The following BSPH1 variants were observed in gnomAD, a reference collection of about 807,000 sequenced individuals.
The protein encoded by BSPH1 is binder of sperm protein homolog 1.
Under a neutral mutation model 22.5 loss-of-function variants are expected in BSPH1, and 21 were observed. That is an observed-to-expected ratio of 0.93 (90% CI 0.66 to 1.35). The LOEUF is 1.35. BSPH1 is among the 40% of genes most tolerant of loss of function. The probability of loss-of-function intolerance (pLI) is 0.00; values close to 1 mark genes in which losing one functional copy is unlikely to be tolerated. For missense variants in BSPH1, 141 were observed against 154.2 expected, an observed-to-expected ratio of 0.91 and a Z score of 0.45; for synonymous variants, 42 against 53.6, an observed-to-expected ratio of 0.78 and a Z score of 0.95.
rs71181616 is a variant in BSPH1 at position 47,968,681 on chromosome 19, TAAAA to T, written c.*3-476_*3-473del. 1.0e-3 allele frequency among the ~76,000 whole-genome samples: 96 copies of T among 92,238 alleles called. 1 individual carries two copies. The highest frequency in any genetic ancestry group is 4.6e-3 in the South Asian group (12 of 2,592). The allele number at this position is 92,238 out of a possible 152,430, so 60.5% of individuals were successfully genotyped here. A position where few individuals can be genotyped will look rare whatever the true frequency, so the allele number is the denominator to read the frequency against. The stretch of plus-strand genomic sequence containing the variant: ...TGAGTGACAGAGCAAGACCCTGTCT[TAAAA>T]AAAAAAAAAAAAAAAAAAGAAATCA... On this transcript the variant is annotated intron_variant, in intron 5 of 5. Transcript: ENST00000344839.
intron 1 of BSPH1, among the ~76,000 whole-genome samples, chr19:47,984,163 A>AATATAT (rs1379417145): frequency 1.5e-5 from 2 of 135,906 alleles, no homozygotes; most frequent in African/African-American, 5.9e-5. Flanking sequence ...AAAAAAAAAA[A>AATATAT]ATATATATAT....
intron 5 of BSPH1, among the ~76,000 whole-genome samples, chr19:47,975,831 A>G (rs1056065446): frequency 4.6e-5 from 7 of 151,534 alleles, no homozygotes; most frequent in East Asian, 2.0e-4. Flanking sequence ...AATTTTTTGT[A>G]TTTTTAGAAG....
At chr19:47,982,657 T>C (rs1235779688) in intron 1 of BSPH1, among the ~76,000 whole-genome samples, 3 of 152,180 alleles carry the variant, frequency 2.0e-5, no homozygotes, top group Non-Finnish European at 4.4e-5. Context: ...TGTAAACCCA[T>C]GTTCATGGTA....
At chr19:47,981,246 A>C (rs1473797097) in intron 1 of BSPH1, among the ~76,000 whole-genome samples, 2 of 106,604 alleles carry the variant, frequency 1.9e-5, no homozygotes, top group African/African-American at 4.1e-5. Flanking sequence ...CCACTTCATC[A>C]TAGGTTTCTG....
At chr19:47,969,808 A>G in intron 5 of BSPH1, among the ~76,000 whole-genome samples, 1 of 147,738 alleles carries the variant, frequency 6.8e-6, no homozygotes, top group African/African-American at 2.6e-5. Context: ...TTCAGAATTT[A>G]TTTGTGTGTG....
At chr19:47,991,099 C>A (rs543335534) in intron 1 of BSPH1, among the ~76,000 whole-genome samples, 1 of 152,150 alleles carries the variant, frequency 6.6e-6, no homozygotes, top group Non-Finnish European at 1.5e-5. Flanking sequence ...CCCTCCATGG[C>A]GACTGGGATT....
intron 5 of BSPH1, among the ~76,000 whole-genome samples, chr19:47,972,022 T>G (rs997658153): frequency 6.6e-6 from 1 of 152,176 alleles, no homozygotes; most frequent in Non-Finnish European, 1.5e-5. Flanking sequence ...TCTGACTGTT[T>G]TTCATACTTG....
At chr19:47,968,924 G>A (rs1397220471) in intron 5 of BSPH1, among the ~76,000 whole-genome samples, 2 of 150,136 alleles carry the variant, frequency 1.3e-5, no homozygotes, top group African/African-American at 4.9e-5. Context: ...GCTTGAACAT[G>A]GGAGGCGGAG....
At chr19:47,978,093 A>G (rs1969385527) in intron 3 of BSPH1, among the ~76,000 whole-genome samples, 1 of 149,996 alleles carries the variant, frequency 6.7e-6, no homozygotes, top group African/African-American at 2.4e-5. Context: ...TTCAAAATGA[A>G]TCATATTTTA....
At chr19:47,977,780 G>A (rs957964435) in intron 3 of BSPH1, 27 of 624,870 alleles carry the variant, frequency 4.3e-5, no homozygotes, top group South Asian at 1.4e-4. Flanking sequence ...TCTCCTAAGC[G>A]TAGAAATATA....
At chr19:47,968,874 CT>C (rs2122234828) in intron 5 of BSPH1, among the ~76,000 whole-genome samples, 1 of 151,440 alleles carries the variant, frequency 6.6e-6, no homozygotes, top group East Asian at 1.9e-4. Flanking sequence ...TGGCGTGCAC[CT>C]GTAGTCCCAG....
intron 1 of BSPH1, among the ~76,000 whole-genome samples, chr19:47,988,667 T>C (rs1969494099): frequency 6.6e-6 from 1 of 152,132 alleles, no homozygotes; most frequent in East Asian, 1.9e-4. Flanking sequence ...AAACGATCGG[T>C]TGGTGGGCAG....
chr19:47,979,705 T>G (rs984646772), intron 2 of BSPH1, 106 bp from the exon 3 acceptor site: 12 of 523,208 alleles, frequency 2.3e-5, no homozygotes, highest in Non-Finnish European at 3.0e-5. Flanking sequence ...TAGGAAAAAG[T>G]GATATTGTTA....
chr19:47,982,233 A>G (rs1176580369), intron 1 of BSPH1, among the ~76,000 whole-genome samples: 2 of 152,242 alleles, frequency 1.3e-5, no homozygotes, highest in South Asian at 2.1e-4. Flanking sequence ...TTAAAGCATT[A>G]TAACTCGACA....
chr19:47,981,477 G>A (rs1969419168), intron 1 of BSPH1, among the ~76,000 whole-genome samples: 1 of 152,174 alleles, frequency 6.6e-6, no homozygotes, highest in South Asian at 2.1e-4. Flanking sequence ...TAACTTATCA[G>A]AACAATTTTG....
At chr19:47,968,695 A>AAAG (rs1480533723) in intron 5 of BSPH1, among the ~76,000 whole-genome samples, 5 of 149,712 alleles carry the variant, frequency 3.3e-5, no homozygotes, top group Non-Finnish European at 7.4e-5. Flanking sequence ...AAAAAAAAAA[A>AAAG]AAAAAAAAGA....
intron 1 of BSPH1, among the ~76,000 whole-genome samples, chr19:47,988,076 G>A (rs773770885): frequency 6.6e-5 from 10 of 152,096 alleles, no homozygotes; most frequent in African/African-American, 9.6e-5. Flanking sequence ...AAATCCTGCC[G>A]TTTTCAGTAA....
chr19:47,977,272 G>T, intron 4 of BSPH1, 101 bp downstream of exon 4: 1 of 824,858 alleles, frequency 1.2e-6, no homozygotes, highest in Non-Finnish European at 1.9e-6. Flanking sequence ...AACTTAATTG[G>T]CTATGGATTC....
chr19:47,978,907 A>G (rs1969393202), intron 3 of BSPH1, among the ~76,000 whole-genome samples: 1 of 152,260 alleles, frequency 6.6e-6, no homozygotes, highest in African/African-American at 2.4e-5. Flanking sequence ...TTTCAAACAT[A>G]TTTAGTAATG....
Sources: gnomAD v4.1 joint callset for allele counts (sites outside exome capture counted in the v4.1 genomes callset) on GRCh38, gnomAD v4.1.1 for gene constraint, MANE v1.5 for transcripts, NCBI Gene and HGNC (gene_info 2026-07-23, HGNC 2026-07-21) for gene names.